The following DPF3 variants were observed in gnomAD, a reference collection of about 807,000 sequenced individuals.
The protein encoded by DPF3 is double PHD fingers 3, also known as zinc finger protein DPF3.
Under a neutral mutation model 56.8 loss-of-function variants are expected in DPF3, and 18 were observed. The observed-to-expected ratio is 0.32, with a 90% CI of 0.22 to 0.47. The LOEUF is 0.47. Among genes scored for constraint, DPF3 ranks in the 20% least tolerant of loss-of-function variants. The pLI is 1.00. For missense variants in DPF3, 403 were observed against 488.8 expected (o/e 0.82, Z 1.65); for synonymous variants, 188 against 180.2 (o/e 1.04, Z -0.35).
intron 7 of DPF3, among the ~76,000 whole-genome samples, chr14:72,680,288 C>T (rs559978790): frequency 2.2e-4 from 33 of 152,312 alleles, no homozygotes; most frequent in African/African-American, 7.0e-4. Flanking sequence ...AAAAATAAAT[C>T]CCACAGATCC....
Position 72,723,745 on chromosome 14 carries a change from A to C in DPF3, c.430-17T>G. On this transcript the variant is annotated splice_polypyrimidine_tract_variant and intron_variant, in intron 4 of 10. Coordinates refer to ENST00000556509, the MANE Select transcript of DPF3 (RefSeq NM_001280542.3). ...CAAAACCCTCTGAAATGAAAAAAAA[A>C]AATAGAAAAGGTGAGAAACGAAATG... The C allele has an allele frequency of 6.4e-7, 1 of 1,574,498 alleles. No homozygotes were observed. Among genetic ancestry groups the C allele is most frequent in the Non-Finnish European group, 8.6e-7 (1 of 1,167,826 alleles).
rs1884068075 is a variant in DPF3 at position 72,616,069 on chromosome 14, GGACCATCATCATGCCAGAC to G, written c.*3209_*3227del. 6.6e-6 allele frequency among the ~76,000 whole-genome samples: 1 copy of G among 152,122 alleles called. No homozygotes were observed. The highest frequency in any genetic ancestry group is 2.4e-5 in the African/African-American group (1 of 41,416). ...AATGACAATAGCTACCATGGAGTGGGGACCATCATCATGCCAGACCCGGGCCAGGATCTTTACCAATGTC... is the reference window on the plus strand; with the variant it reads ...AATGACAATAGCTACCATGGAGTGGGCCGGGCCAGGATCTTTACCAATGTC... On this transcript the variant is annotated 3_prime_UTR_variant, in exon 11 of 11. Transcript: ENST00000556509.
intron 1 of DPF3, among the ~76,000 whole-genome samples, chr14:72,795,295 A>ATATATATATATATAT (rs1370331515): frequency 9.7e-6 from 1 of 102,938 alleles, no homozygotes; most frequent in African/African-American, 3.7e-5. Context: ...AAAAAAAAAA[A>ATATATATATATATAT]ATATATATAT....
chr14:72,620,540 C>T (rs1448525025), intron 9 of DPF3, among the ~76,000 whole-genome samples: 2 of 152,152 alleles, frequency 1.3e-5, no homozygotes, highest in Non-Finnish European at 2.9e-5. Flanking sequence ...GGCTGGAGCC[C>T]GGGTGAGAGC....
chr14:72,885,263 G>A (rs1886498349), intron 1 of DPF3, among the ~76,000 whole-genome samples: 1 of 151,886 alleles, frequency 6.6e-6, no homozygotes, highest in African/African-American at 2.4e-5. Flanking sequence ...GGGAGAGGCA[G>A]AGAGGTTGAA....
rs558924750 is a variant in DPF3, at chr14:72,618,249, G to C, written c.*1048C>G. Among the ~76,000 whole-genome samples the C allele has an allele frequency of 5.9e-5, 9 of 152,138 alleles. No individual in the cohort carries two copies. The highest frequency in any genetic ancestry group is 2.2e-4 in the African/African-American group (9 of 41,420). Reference sequence around the variant, plus strand: ...CAGTCAGGTCTCAGTAGACAATAGCGAACAAACACTACGTGGAAGGAAGAA... The same window carrying C: ...CAGTCAGGTCTCAGTAGACAATAGCCAACAAACACTACGTGGAAGGAAGAA... On this transcript the variant is annotated 3_prime_UTR_variant, in exon 11 of 11. Transcript: ENST00000556509.
intron 8 of DPF3, among the ~76,000 whole-genome samples, chr14:72,650,772 A>C (rs1885885206): frequency 6.6e-6 from 1 of 152,148 alleles, no homozygotes; most frequent in Non-Finnish European, 1.5e-5. Flanking sequence ...TGGGTGAGCT[A>C]AGAGGACAAA....
At chr14:72,826,984 G>A (rs1883832462) in intron 1 of DPF3, among the ~76,000 whole-genome samples, 1 of 150,590 alleles carries the variant, frequency 6.6e-6, no homozygotes, top group Non-Finnish European at 1.5e-5. Flanking sequence ...GGAGGTTGCA[G>A]TGAGCCAAGA....
At chr14:72,757,342 C>T (rs1890882692) in intron 2 of DPF3, among the ~76,000 whole-genome samples, 1 of 152,122 alleles carries the variant, frequency 6.6e-6, no homozygotes, top group Non-Finnish European at 1.5e-5. Context: ...GTCCCACTGT[C>T]GGCCAACTCT....
intron 1 of DPF3, among the ~76,000 whole-genome samples, chr14:72,799,132 G>A (rs557667289): frequency 1.4e-4 from 22 of 152,284 alleles, no homozygotes; most frequent in Admixed American, 2.6e-4. Context: ...AACACTGGCC[G>A]TGCTCAGGGC....
At position 72,617,550 on chromosome 14, in the gene DPF3, T is replaced by A. The variant is rs1405116174; in HGVS notation, c.*1747A>T. Among the ~76,000 whole-genome samples the A allele has an allele frequency of 6.6e-6, 1 of 152,186 alleles. No individual in the cohort carries two copies. Among genetic ancestry groups the A allele is most frequent in the Non-Finnish European group, 1.5e-5 (1 of 68,040 alleles). ...GGGCCCTTTAAATGAGACCATTATG[T>A]ATGTGTGTGATTCCCTCTGAGGCCA... On this transcript the variant is annotated 3_prime_UTR_variant, in exon 11 of 11. Transcript: ENST00000556509.
chr14:72,744,511 A>G (rs1890250303), intron 3 of DPF3, among the ~76,000 whole-genome samples: 3 of 152,080 alleles, frequency 2.0e-5, no homozygotes, highest in African/African-American at 7.2e-5. Flanking sequence ...TCCAGCCTGA[A>G]AGGTCCACTC....
At position 72,616,193 on chromosome 14, in the gene DPF3, T is replaced by C. The variant is rs1599302876; in HGVS notation, c.*3104A>G. On this transcript the variant is annotated 3_prime_UTR_variant, in exon 11 of 11. Transcript: ENST00000556509. ...GACATGTGAAATGAGGCTCAGAGAGTTGAAGTCATTGGCCCAAGGTCAGTC... is the reference window on the plus strand; with the variant it reads ...GACATGTGAAATGAGGCTCAGAGAGCTGAAGTCATTGGCCCAAGGTCAGTC... Among the ~76,000 whole-genome samples the C allele has an allele frequency of 6.6e-6, 1 of 152,034 alleles. No individual in the cohort carries two copies. Among genetic ancestry groups the C allele is most frequent in the Middle Eastern group, 3.4e-3 (1 of 294 alleles).
At chr14:72,641,424 T>C (rs1165411136) in intron 8 of DPF3, among the ~76,000 whole-genome samples, 2 of 152,236 alleles carry the variant, frequency 1.3e-5, no homozygotes, top group Non-Finnish European at 2.9e-5. Flanking sequence ...AGCCTCAGTT[T>C]CTGTCCTTCC....
At chr14:72,875,935 C>T (rs1886095104) in intron 1 of DPF3, among the ~76,000 whole-genome samples, 1 of 152,224 alleles carries the variant, frequency 6.6e-6, no homozygotes, top group Non-Finnish European at 1.5e-5. Context: ...AATCATGAAA[C>T]TAATCCTCAG....
intron 1 of DPF3, among the ~76,000 whole-genome samples, chr14:72,876,563 C>T (rs2140118679): frequency 6.6e-6 from 1 of 152,328 alleles, no homozygotes; most frequent in Middle Eastern, 3.4e-3. Flanking sequence ...ACCAGCCAAA[C>T]AGATCTGTGT....
chr14:72,648,437 T>C (rs1885789080), intron 8 of DPF3, among the ~76,000 whole-genome samples: 1 of 151,958 alleles, frequency 6.6e-6, no homozygotes, highest in Non-Finnish European at 1.5e-5. Flanking sequence ...TGTGCATGCC[T>C]GTAATCCCAG....
At chr14:72,722,709 C>T (rs1319316897) in intron 5 of DPF3, among the ~76,000 whole-genome samples, 1 of 152,246 alleles carries the variant, frequency 6.6e-6, no homozygotes, top group African/African-American at 2.4e-5. Context: ...CAGCAGTTTA[C>T]TTCTGGAGGT....
intron 2 of DPF3, among the ~76,000 whole-genome samples, chr14:72,767,500 T>A (rs896525120): frequency 1.3e-5 from 2 of 151,558 alleles, no homozygotes; most frequent in African/African-American, 4.8e-5. Flanking sequence ...ATAAAAAAGC[T>A]CTCAATGGAT....
Sources: gnomAD v4.1 joint callset for allele counts (sites outside exome capture counted in the v4.1 genomes callset) on GRCh38, gnomAD v4.1.1 for gene constraint, MANE v1.5 for transcripts, NCBI Gene and HGNC (gene_info 2026-07-23, HGNC 2026-07-21) for gene names.